The following CTPS1 variants were observed in gnomAD, a reference collection of about 807,000 sequenced individuals.
The protein encoded by CTPS1 is CTP synthase 1.
CTPS1 carries 25 observed loss-of-function variants against 80.5 expected under a neutral mutation model. The observed-to-expected ratio is 0.31, with a 90% CI of 0.23 to 0.43. CTPS1 has a LOEUF of 0.43. Among genes scored for constraint, CTPS1 ranks in the 20% least tolerant of loss-of-function variants. The pLI is 1.00. For synonymous variants in CTPS1, 267 were observed against 252.5 expected, an observed-to-expected ratio of 1.06 and a Z score of -0.54; for missense variants, 442 against 725.7, an observed-to-expected ratio of 0.61 and a Z score of 4.49.
In CTPS1 at chr1:41,008,803, G is replaced by A; in HGVS notation, c.1459G>A (p.Val487Ile). 6.2e-7 allele frequency: 1 copy of A among 1,614,186 alleles called. No homozygotes were observed. Among genetic ancestry groups the A allele is most frequent in the South Asian group, 1.1e-5 (1 of 91,084 alleles). The change falls in exon 16 of 19, where the codon GTC (valine) becomes ATC (isoleucine). Residue 487 changes from valine (V) to isoleucine (I), a missense_variant. By Grantham distance (29) the Val-to-Ile change is conservative (BLOSUM62 3). Coordinates refer to ENST00000650070, the MANE Select transcript of CTPS1 (RefSeq NM_001905.4). ...TTTCATGCCTCAACAGGTGAATCCA[G>A]TCTGGAAAAAGTGTTTGGAAGAACA... ...RHRHRFEVNP[V>I]WKKCLEEQGL...
intron 2 of CTPS1, 135 bp downstream of exon 2, chr1:40,983,591 T>C: frequency 3.0e-6 from 2 of 657,142 alleles, no homozygotes; most frequent in Non-Finnish European, 5.1e-6. Flanking sequence ...ATGATACTTT[T>C]CTCACCTAGA....
intron 18 of CTPS1, among the ~76,000 whole-genome samples, 199 bp downstream of exon 18, chr1:41,010,453 C>G (rs1382024098): frequency 6.6e-6 from 1 of 152,186 alleles, no homozygotes; most frequent in African/African-American, 2.4e-5. Flanking sequence ...AGCCCTTCCT[C>G]CAAGTTGCAG....
intron 11 of CTPS1, 149 bp downstream of exon 11, chr1:41,002,403 T>C (rs1053950131): frequency 1.5e-6 from 1 of 651,820 alleles, no homozygotes; most frequent in African/African-American, 1.8e-5. Flanking sequence ...ATGTTTTCTC[T>C]TTAGAGACAA....
At chr1:41,002,603 T>A (rs1370091364) in intron 11 of CTPS1, among the ~76,000 whole-genome samples, 1 of 152,190 alleles carries the variant, frequency 6.6e-6, no homozygotes, top group Non-Finnish European at 1.5e-5. Flanking sequence ...TTTGCATGCC[T>A]CCTGGTGCTG....
At chr1:40,993,743 A>G (rs1271569290) in intron 7 of CTPS1, among the ~76,000 whole-genome samples, 1 of 118,538 alleles carries the variant, frequency 8.4e-6, no homozygotes, top group East Asian at 2.3e-4. Flanking sequence ...TTTTCTCCCT[A>G]TCTGTGCCTT....
chr1:40,988,739 G>C (rs1473016206), intron 5 of CTPS1, 29 bp downstream of exon 5: 2 of 1,469,644 alleles, frequency 1.4e-6, no homozygotes, highest in South Asian at 2.3e-5. Context: ...GTTTTACTTT[G>C]GGGGAGATGG....
At chr1:41,005,775 G>A (rs1368748692) in intron 12 of CTPS1, among the ~76,000 whole-genome samples, 1 of 152,078 alleles carries the variant, frequency 6.6e-6, no homozygotes, top group East Asian at 1.9e-4. Flanking sequence ...GTGGTAGTGT[G>A]CCCCTGTAGT....
In CTPS1 at chr1:41,008,529, T is replaced by C; in HGVS notation, c.1394-130T>C. The C allele has an allele frequency of 3.3e-6, 3 of 901,820 alleles. No individual in the cohort carries two copies. In the Admixed American group the frequency reaches 5.9e-5, roughly 18 times the overall value. 55.9% of individuals were successfully genotyped at this position (901,820 alleles called of 1,614,324 possible). ...GTTAAGAGCAGGTGACCTTAGCAGA[T>C]TCATAGAAATAGCCCTCAAAAGACC... On this transcript the variant is annotated intron_variant, in intron 14 of 18. Coordinates refer to ENST00000650070, the MANE Select transcript of CTPS1 (RefSeq NM_001905.4).
At chr1:40,999,473 G>A (rs1642847250) in intron 9 of CTPS1, among the ~76,000 whole-genome samples, 1 of 152,202 alleles carries the variant, frequency 6.6e-6, no homozygotes, top group South Asian at 2.1e-4. Context: ...TGATAAACAC[G>A]AAAAGGTGCT....
chr1:40,982,130 C>T (rs1418998053), intron 1 of CTPS1: 4 of 498,308 alleles, frequency 8.0e-6, no homozygotes, highest in South Asian at 7.7e-5. Context: ...GTCACGGTCT[C>T]CTCACCTCTT....
chr1:41,007,460 G>A lies in CTPS1; in HGVS notation c.1308G>A (p.Met436Ile). 1.2e-6 allele frequency: 2 copies of A among 1,614,090 alleles called. No individual in the cohort carries two copies. The highest frequency in any genetic ancestry group is 1.7e-6 in the Non-Finnish European group (2 of 1,180,030). The change falls in exon 14 of 19, where the codon ATG becomes ATA. Residue 436 changes from methionine (M) to isoleucine (I), a missense_variant. Physicochemically the swap from Met to Ile is conservative, Grantham distance 10. Coordinates refer to ENST00000650070, the MANE Select transcript of CTPS1 (RefSeq NM_001905.4). This position sits in a 1 kb window ranked among gnomAD's most constrained non-coding sequence, Gnocchi z 4.4. ...PTTSHPVVVD[M>I]PEHNPGQMGG... ...CTGAACATCTCCAGGTCGTAGACATGCCAGAACACAACCCAGGGCAGATGG... is the reference window on the plus strand; with the variant it reads ...CTGAACATCTCCAGGTCGTAGACATACCAGAACACAACCCAGGGCAGATGG...
Position 40,992,713 on chromosome 1 carries a change from CAG to C in CTPS1, c.720+871_720+872del, listed in dbSNP as rs1394786590. ...TTTTTTTTTTTTTTTTTAATTGAGA[CAG>C]AGTCTCGCTGTGTCGCCCAGGCTGG... On this transcript the variant is annotated intron_variant, in intron 7 of 18. Transcript: ENST00000650070. Among the ~76,000 whole-genome samples, 4 of 133,366 alleles carry C rather than the reference CAG, an allele frequency of 3.0e-5. No homozygotes were observed. The Admixed American group carries it at 3.3e-4, about 11-fold the overall frequency. The allele number at this position is 133,366 out of a possible 152,430, so 87.5% of individuals were successfully genotyped here. A position where few individuals can be genotyped will look rare whatever the true frequency, so the allele number is the denominator to read the frequency against.
rs778949972 is a variant in CTPS1 at position 41,008,644 on chromosome 1, C to G, written c.1394-15C>G. 2 of 1,613,716 alleles carry G rather than the reference C, an allele frequency of 1.2e-6. No homozygotes were observed. The highest frequency in any genetic ancestry group is 1.7e-6 in the Non-Finnish European group (2 of 1,179,792). ...GAGATAAAGTTCTTTACATACAGCC[C>G]GTTTGTTTTGCCAGGGAAACTCTAT... On this transcript the variant is annotated splice_polypyrimidine_tract_variant and intron_variant, in intron 14 of 18. Coordinates refer to ENST00000650070, the MANE Select transcript of CTPS1 (RefSeq NM_001905.4).
intron 5 of CTPS1, 29 bp from the exon 6 acceptor site, chr1:40,991,136 C>CTTT (rs111518708): frequency 6.5e-5 from 78 of 1,207,204 alleles, no homozygotes; most frequent in Admixed American, 1.3e-4. Context: ...GGGAAACTAA[C>CTTT]TTTTTTTTTT....
At chr1:41,010,037 A>T in intron 17 of CTPS1, 124 bp from the exon 18 acceptor site, 1 of 636,126 alleles carries the variant, frequency 1.6e-6, no homozygotes, top group Non-Finnish European at 2.8e-6. Flanking sequence ...ATTATGTAGC[A>T]AACAGTCTTT....
chr1:41,007,188 C>T lies in CTPS1; in HGVS notation c.1297-261C>T, dbSNP rs981637463. Among the ~76,000 whole-genome samples the T allele has an allele frequency of 1.3e-5, 2 of 152,204 alleles. No homozygotes were observed. The highest frequency in any genetic ancestry group is 1.3e-4 in the Admixed American group (2 of 15,282). ...GAAGTGATGCTTACCGTCCACAGTG[C>T]TGGGGCGGGACTAGCCTGAGGAGGG... On this transcript the variant is annotated intron_variant, in intron 13 of 18. Coordinates refer to ENST00000650070, the MANE Select transcript of CTPS1 (RefSeq NM_001905.4). This position sits in a 1 kb window ranked among gnomAD's most constrained non-coding sequence, Gnocchi z 4.4.
At position 41,007,330 on chromosome 1, in the gene CTPS1, AGGAAAGCCT is replaced by A. The variant is rs1643058558; in HGVS notation, c.1297-115_1297-107del. ...TTCTTCTGTGACAAAATGTCTCATA[AGGAAAGCCT>A]GGAGAATTAGAGCTTACTTACAAGC... On this transcript the variant is annotated intron_variant, in intron 13 of 18. Coordinates refer to ENST00000650070, the MANE Select transcript of CTPS1 (RefSeq NM_001905.4). The surrounding 1 kb of genome is among the most constrained non-coding windows in gnomAD (Gnocchi z 4.4). The A allele has an allele frequency of 4.9e-6, 4 of 815,600 alleles. No homozygotes were observed. In the South Asian group the frequency reaches 6.4e-5, roughly 13 times the overall value. 50.5% of individuals were successfully genotyped at this position (815,600 alleles called of 1,614,324 possible).
At chr1:40,990,575 A>G (rs1217763854) in intron 5 of CTPS1, among the ~76,000 whole-genome samples, 3 of 152,040 alleles carry the variant, frequency 2.0e-5, no homozygotes, top group Non-Finnish European at 4.4e-5. Flanking sequence ...GCTTGAGCCT[A>G]TGAGTTTGAG....
chr1:41,002,929 C>T (rs897772448), intron 11 of CTPS1, among the ~76,000 whole-genome samples, 185 bp from the exon 12 acceptor site: 1 of 152,152 alleles, frequency 6.6e-6, no homozygotes, highest in African/African-American at 2.4e-5. Context: ...ACTTTACATG[C>T]AGTTTTTGAA....
Sources: gnomAD v4.1 joint callset for allele counts (sites outside exome capture counted in the v4.1 genomes callset) on GRCh38, gnomAD v4.1.1 for gene constraint, Gnocchi (gnomAD v3.1) non-coding constraint, MANE v1.5 for transcripts, NCBI Gene and HGNC (gene_info 2026-07-23, HGNC 2026-07-21) for gene names.